ABCA1: variants seen among roughly 807,000 people sequenced by gnomAD.
The protein encoded by ABCA1 is ATP binding cassette subfamily A member 1.
Under a neutral mutation model 262.5 loss-of-function variants are expected in ABCA1, and 133 were observed. The observed-to-expected ratio is 0.51, with a 90% CI of 0.44 to 0.59. ABCA1 has a LOEUF of 0.59. ABCA1 is among the 20% of genes least tolerant of loss of function. The pLI is 0.00. For synonymous variants in ABCA1, 1,022 were observed against 1,043.5 expected, an observed-to-expected ratio of 0.98 and a Z score of 0.40; for missense variants, 2,452 against 2,777.5, an observed-to-expected ratio of 0.88 and a Z score of 2.63.
intron 7 of ABCA1, chr9:104,855,637 C>T (rs1835770207): frequency 6.9e-7 from 1 of 1,451,896 alleles, no homozygotes; most frequent in Non-Finnish European, 9.1e-7. Context: ...ATATGTGTAA[C>T]CAATAATCAC....
Position 104,890,178 on chromosome 9 carries a change from C to T in ABCA1, c.67-983G>A, listed in dbSNP as rs3824481. Among the ~76,000 whole-genome samples, 36 of 152,334 alleles carry T rather than the reference C, an allele frequency of 2.4e-4. 2 individuals are homozygous for T. The East Asian group carries it at 6.6e-3, about 28-fold the overall frequency. On this transcript the variant is annotated intron_variant, in intron 2 of 49. Coordinates refer to ENST00000374736, the MANE Select transcript of ABCA1 (RefSeq NM_005502.4). The stretch of plus-strand genomic sequence containing the variant: ...AACACCAAAGAGCCCAAAAGAGTCA[C>T]AGGGCCTTGTGTTTCAGAGTAATTA...
intron 43 of ABCA1, among the ~76,000 whole-genome samples, chr9:104,791,378 T>A (rs535719702): frequency 2.6e-5 from 4 of 152,314 alleles, no homozygotes; most frequent in African/African-American, 9.6e-5. Context: ...TAAAAAACTA[T>A]TTGAATGTCA....
chr9:104,858,722 A>G, intron 6 of ABCA1, 24 bp from the exon 7 acceptor site: 1 of 1,613,438 alleles, frequency 6.2e-7, no homozygotes, highest in Non-Finnish European at 8.5e-7. Context: ...ATGCAAAGAG[A>G]GACAAGCACA....
rs1337357395 is a variant in ABCA1 at position 104,781,303 on chromosome 9, T to A, written c.*3012A>T. 1 of 152,572 alleles carries A rather than the reference T, an allele frequency of 6.6e-6. No homozygotes were observed. Among genetic ancestry groups the A allele is most frequent in the Non-Finnish European group, 1.5e-5 (1 of 68,010 alleles). The allele number at this position is 152,572 out of a possible 1,614,324, so 9.5% of individuals were successfully genotyped here. A position where few individuals can be genotyped will look rare whatever the true frequency, so the allele number is the denominator to read the frequency against. On this transcript the variant is annotated 3_prime_UTR_variant, in exon 50 of 50. Coordinates refer to ENST00000374736, the MANE Select transcript of ABCA1 (RefSeq NM_005502.4). ...CTTCATCTTAGGGTATAAGAAGGGATAATAGCATACCTAAATCCTTATGGA... is the reference window on the plus strand; with the variant it reads ...CTTCATCTTAGGGTATAAGAAGGGAAAATAGCATACCTAAATCCTTATGGA...
intron 1 of ABCA1, among the ~76,000 whole-genome samples, chr9:104,924,786 G>A (rs1483352373): frequency 6.6e-6 from 1 of 152,036 alleles, no homozygotes; most frequent in African/African-American, 2.4e-5. Context: ...ACCTTAATTT[G>A]TAGCCACTAC....
chr9:104,825,127 GA>G (rs1832709944), intron 17 of ABCA1, among the ~76,000 whole-genome samples: 1 of 152,126 alleles, frequency 6.6e-6, no homozygotes, highest in South Asian at 2.1e-4. Flanking sequence ...AATTTTTATT[GA>G]ATGCTAATTA....
In ABCA1 at chr9:104,816,303, T is replaced by A; in HGVS notation, c.3578A>T (p.Glu1193Val). 6.2e-7 allele frequency: 1 copy of A among 1,614,020 alleles called. No individual in the cohort carries two copies. The highest frequency in any genetic ancestry group is 8.5e-7 in the Non-Finnish European group (1 of 1,180,006). The stretch of plus-strand genomic sequence containing the variant: ...CCCTATGTCTTCCACCAGCCGGGCT[T>A]CAGACACATGCTTCCTGATGAGGTT... The part of the protein sequence containing the change: ...ISNLIRKHVS[E>V]ARLVEDIGHE... Residue 1193 changes from glutamate to valine, a missense_variant, in exon 25 of 50, where the codon GAA (glutamate) becomes GTA (valine). By Grantham distance (121) the Glu-to-Val change is moderately radical (BLOSUM62 -2). This residue lies in a region of ABCA1 where 665 missense variants were observed against 727.3 expected (regional missense o/e 0.91). Coordinates refer to ENST00000374736, the MANE Select transcript of ABCA1 (RefSeq NM_005502.4).
chr9:104,821,232 A>G lies in ABCA1; in HGVS notation c.2960+143T>C, dbSNP rs550839068. ...CAGTCCAGCCTGGCTACAGAGCGAGACTCCATCTCAAAAAAATAAAAAAGA... is the reference window on the plus strand; with the variant it reads ...CAGTCCAGCCTGGCTACAGAGCGAGGCTCCATCTCAAAAAAATAAAAAAGA... On this transcript the variant is annotated intron_variant, in intron 20 of 49. Transcript: ENST00000374736. 1,001 of 1,067,472 alleles carry G rather than the reference A, an allele frequency of 9.4e-4. 9 individuals carry two copies. Among genetic ancestry groups the G allele is most frequent in the Middle Eastern group, 8.0e-3 (25 of 3,116 alleles). The allele number at this position is 1,067,472 out of a possible 1,614,324, so 66.1% of individuals were successfully genotyped here.
At chr9:104,853,364 A>T (rs1224581989) in intron 7 of ABCA1, among the ~76,000 whole-genome samples, 1 of 152,028 alleles carries the variant, frequency 6.6e-6, no homozygotes, top group African/African-American at 2.4e-5. Flanking sequence ...CATTCCTCCC[A>T]CTACAGCCCA....
intron 2 of ABCA1, among the ~76,000 whole-genome samples, chr9:104,892,109 C>A (rs1839807235): frequency 6.7e-6 from 1 of 150,240 alleles, no homozygotes; most frequent in African/African-American, 2.5e-5. Context: ...GAATAGTTTG[C>A]ATAGACGGCA....
At chr9:104,913,833 T>C (rs796286789) in intron 1 of ABCA1, among the ~76,000 whole-genome samples, 22 of 152,292 alleles carry the variant, frequency 1.4e-4, no homozygotes, top group Non-Finnish European at 8.8e-5. Context: ...TCTGGCTCTG[T>C]CGCCCAGGCT....
chr9:104,819,847 G>A (rs745476465), intron 21 of ABCA1, 80 bp downstream of exon 21: 6 of 1,608,854 alleles, frequency 3.7e-6, no homozygotes, highest in Middle Eastern at 3.7e-4. Flanking sequence ...TGGGACCCTG[G>A]GGCAGTGCTG....
At chr9:104,908,205 A>G (rs1210851312) in intron 1 of ABCA1, among the ~76,000 whole-genome samples, 1 of 152,250 alleles carries the variant, frequency 6.6e-6, no homozygotes, top group Admixed American at 6.5e-5. Flanking sequence ...TGTAAAATGG[A>G]AGAGCCACTT....
intron 3 of ABCA1, among the ~76,000 whole-genome samples, chr9:104,887,875 C>G (rs142252840): frequency 6.6e-6 from 1 of 151,686 alleles, no homozygotes; most frequent in Non-Finnish European, 1.5e-5. Flanking sequence ...TACAGGTGTG[C>G]GCCACCACGC....
intron 31 of ABCA1, among the ~76,000 whole-genome samples, chr9:104,805,236 G>T (rs58491344): frequency 0.027 from 4,159 of 152,168 alleles, 203 homozygotes; most frequent in African/African-American, 0.095. Flanking sequence ...CACCATGCCT[G>T]GCTAATTTTT....
chr9:104,868,810 G>A (rs148951457), intron 5 of ABCA1, among the ~76,000 whole-genome samples: 242 of 152,308 alleles, frequency 1.6e-3, no homozygotes, highest in African/African-American at 5.6e-3. Flanking sequence ...GGACCAAGCC[G>A]GGGAACCAGC....
Position 104,837,416 on chromosome 9 carries a change from G to A in ABCA1, c.1194+12C>T, listed in dbSNP as rs1833920678. The A allele has an allele frequency of 5.0e-6, 8 of 1,613,914 alleles. No individual in the cohort carries two copies. Among genetic ancestry groups the A allele is most frequent in the South Asian group, 2.2e-5 (2 of 91,070 alleles). On this transcript the variant is annotated intron_variant, in intron 10 of 49. Transcript: ENST00000374736. ...ATTCTGGGGAGGGAGTCTTGGGCTG[G>A]GGGCAGCTTACCTCAGCCATGACCT...
chr9:104,794,699 T>C lies in ABCA1; in HGVS notation c.5383-189A>G, dbSNP rs138879566. ...AAATAGCAGCAGGCATAGCTGATGA[T>C]ATGTAGCAATAAAATTCTATTCTTT... On this transcript the variant is annotated intron_variant, in intron 39 of 49. Coordinates refer to ENST00000374736, the MANE Select transcript of ABCA1 (RefSeq NM_005502.4). 2.9e-3 allele frequency among the ~76,000 whole-genome samples: 443 copies of C among 152,312 alleles called. 3 individuals are homozygous for C. Among genetic ancestry groups the C allele is most frequent in the African/African-American group, 0.01 (428 of 41,564 alleles).
In ABCA1 at chr9:104,837,257, G is replaced by A. The variant is rs565651691; in HGVS notation, c.1195-161C>T. Among the ~76,000 whole-genome samples, 11 of 152,286 alleles carry A rather than the reference G, an allele frequency of 7.2e-5. No homozygotes were observed. The South Asian group carries it at 1.0e-3, about 14-fold the overall frequency. ...CTTGTAACTATGATTCTATACCCAC[G>A]ACTGGGGAGCTGGCCCAGCTCTGGT... On this transcript the variant is annotated intron_variant, in intron 10 of 49. Transcript: ENST00000374736.
Sources: gnomAD v4.1 joint callset for allele counts (sites outside exome capture counted in the v4.1 genomes callset) on GRCh38, gnomAD v4.1.1 for gene constraint, gnomAD v4.1.1 regional missense constraint, MANE v1.5 for transcripts, NCBI Gene and HGNC (gene_info 2026-07-23, HGNC 2026-07-21) for gene names.